The following PRKG1 variants were observed in gnomAD, a reference collection of about 807,000 sequenced individuals.
The protein encoded by PRKG1 is protein kinase cGMP-dependent 1.
PRKG1 carries 35 observed loss-of-function variants against 88.1 expected under a neutral mutation model. The observed-to-expected ratio is 0.40, with a 90% CI of 0.30 to 0.53. PRKG1 has a LOEUF of 0.53. Among genes scored for constraint, PRKG1 ranks in the 20% least tolerant of loss-of-function variants. The pLI, the probability that PRKG1 is intolerant of heterozygous loss-of-function variation, is 0.59. For synonymous variants in PRKG1, 303 were observed against 292.5 expected, an observed-to-expected ratio of 1.04 and a Z score of -0.37; for missense variants, 540 against 839.8, an observed-to-expected ratio of 0.64 and a Z score of 4.41.
chr10:52,196,094 G>C (rs568972195), intron 9 of PRKG1, among the ~76,000 whole-genome samples: 6 of 152,178 alleles, frequency 3.9e-5, no homozygotes, highest in African/African-American at 1.4e-4. Flanking sequence ...CTCACTGCAA[G>C]CTCCGCCTCC....
At chr10:51,355,323 T>C (rs1216934584) in intron 2 of PRKG1, among the ~76,000 whole-genome samples, 1 of 152,102 alleles carries the variant, frequency 6.6e-6, no homozygotes, top group Non-Finnish European at 1.5e-5. Context: ...CTGTTTTAAG[T>C]TCCTTTGAAT....
chr10:51,586,582 G>T (rs1470143826), intron 3 of PRKG1, among the ~76,000 whole-genome samples: 1 of 152,098 alleles, frequency 6.6e-6, no homozygotes, highest in East Asian at 1.9e-4. Flanking sequence ...GCCTCCTTTA[G>T]CTAAGCTAAG....
At chr10:51,774,333 T>C (rs1224762994) in intron 3 of PRKG1, among the ~76,000 whole-genome samples, 2 of 152,080 alleles carry the variant, frequency 1.3e-5, no homozygotes, top group African/African-American at 2.4e-5. Flanking sequence ...GAAATAAACA[T>C]ATAAAAATTA....
At chr10:51,975,467 T>C (rs73339256) in intron 5 of PRKG1, among the ~76,000 whole-genome samples, 14,428 of 152,154 alleles carry the variant, frequency 0.095, 1,837 homozygotes, top group African/African-American at 0.28. Flanking sequence ...TGAGTTGCAT[T>C]GTATCATGCT....
chr10:51,846,815 A>G (rs1158391387), intron 4 of PRKG1, among the ~76,000 whole-genome samples: 1 of 152,200 alleles, frequency 6.6e-6, no homozygotes, highest in East Asian at 1.9e-4. Flanking sequence ...TAATTGGACA[A>G]CAGTATTCAC....
At chr10:51,178,407 C>T (rs1018211202) in intron 2 of PRKG1, among the ~76,000 whole-genome samples, 11 of 152,094 alleles carry the variant, frequency 7.2e-5, no homozygotes, top group South Asian at 4.1e-4. Context: ...GGGAGACCAA[C>T]GCAGGCAGAT....
At chr10:51,295,277 C>T (rs1054051414) in intron 2 of PRKG1, among the ~76,000 whole-genome samples, 8 of 152,022 alleles carry the variant, frequency 5.3e-5, no homozygotes, top group African/African-American at 1.9e-4. Flanking sequence ...CCATGTATGT[C>T]TTTCCATTTG....
chr10:51,968,436 A>C (rs1843624251), intron 5 of PRKG1, among the ~76,000 whole-genome samples: 2 of 152,112 alleles, frequency 1.3e-5, no homozygotes, highest in African/African-American at 4.8e-5. Context: ...AAAGACTGTG[A>C]AAATGATCAT....
chr10:51,052,331 A>C (rs1843572321), intron 1 of PRKG1, among the ~76,000 whole-genome samples: 1 of 152,202 alleles, frequency 6.6e-6, no homozygotes, highest in Non-Finnish European at 1.5e-5. Flanking sequence ...GAATTTTCTT[A>C]TTAATAAATG....
At chr10:51,867,588 A>G (rs7924294) in intron 4 of PRKG1, among the ~76,000 whole-genome samples, 96,847 of 151,870 alleles carry the variant, frequency 0.64, 31,969 homozygotes, top group Non-Finnish European at 0.72. Context: ...TGGGGGAAGC[A>G]AGGGAAAAAG....
intron 8 of PRKG1, among the ~76,000 whole-genome samples, chr10:52,135,521 AATT>A (rs1216310850): frequency 4.6e-5 from 7 of 152,112 alleles, no homozygotes; most frequent in African/African-American, 1.7e-4. Context: ...TAGGAGTCTA[AATT>A]CAGTTGGTGA....
intron 4 of PRKG1, among the ~76,000 whole-genome samples, chr10:51,906,376 A>C (rs1842086868): frequency 1.3e-5 from 2 of 152,180 alleles, no homozygotes. Flanking sequence ...AGTCCTGAGA[A>C]CATATGCCCA....
chr10:51,125,160 T>C (rs1294450844), intron 1 of PRKG1, among the ~76,000 whole-genome samples: 21 of 151,768 alleles, frequency 1.4e-4, no homozygotes, highest in Non-Finnish European at 2.9e-4. Flanking sequence ...TCTACAAAAA[T>C]GTATGAATAC....
intron 7 of PRKG1, among the ~76,000 whole-genome samples, chr10:52,118,937 T>A (rs943061944): frequency 1.3e-5 from 2 of 152,154 alleles, no homozygotes; most frequent in Non-Finnish European, 2.9e-5. Flanking sequence ...CTACTTAAAA[T>A]CTCAATTTTA....
At chr10:51,169,782 T>C (rs9414843) in intron 2 of PRKG1, among the ~76,000 whole-genome samples, 10,003 of 152,138 alleles carry the variant, frequency 0.066, 694 homozygotes, top group African/African-American at 0.17. Context: ...TTATCTAACC[T>C]TTTTAGTCAT....
intron 9 of PRKG1, among the ~76,000 whole-genome samples, chr10:52,221,310 A>T (rs1840239354): frequency 6.6e-6 from 1 of 152,150 alleles, no homozygotes; most frequent in South Asian, 2.1e-4. Flanking sequence ...ATATATCTTG[A>T]GATAATTTGT....
At chr10:51,131,582 A>C (rs191503106) in intron 1 of PRKG1, among the ~76,000 whole-genome samples, 1 of 152,194 alleles carries the variant, frequency 6.6e-6, no homozygotes, top group Non-Finnish European at 1.5e-5. Context: ...CTCCATCTCT[A>C]TATACATACA....
At chr10:51,204,063 A>T (rs188721070) in intron 2 of PRKG1, among the ~76,000 whole-genome samples, 3 of 152,170 alleles carry the variant, frequency 2.0e-5, no homozygotes, top group African/African-American at 7.2e-5. Context: ...CTTCTTCTCC[A>T]TCTGTTTTGA....
intron 3 of PRKG1, among the ~76,000 whole-genome samples, chr10:51,587,555 T>C (rs1224280572): frequency 6.6e-6 from 1 of 152,214 alleles, no homozygotes; most frequent in Non-Finnish European, 1.5e-5. Flanking sequence ...TACATTAATA[T>C]CTAAAAATTA....
Sources: gnomAD v4.1 joint callset for allele counts (sites outside exome capture counted in the v4.1 genomes callset) on GRCh38, gnomAD v4.1.1 for gene constraint, MANE v1.5 for transcripts, NCBI Gene and HGNC (gene_info 2026-07-23, HGNC 2026-07-21) for gene names.